The following UBXN4 variants were observed in gnomAD, a reference collection of about 807,000 sequenced individuals.
UBXN4 encodes UBX domain protein 4.
In UBXN4, 35 loss-of-function variants were observed where a neutral mutation model predicts 66.2. That is an observed-to-expected ratio of 0.53 (90% CI 0.40 to 0.70). UBXN4 has a LOEUF of 0.70. UBXN4 is among the 30% of genes least tolerant of loss of function. The pLI is 0.00. For missense variants in UBXN4, 533 were observed against 599.8 expected (o/e 0.89, Z 1.16); for synonymous variants, 203 against 204.5 (o/e 0.99, Z 0.06).
In UBXN4 at chr2:135,753,554, G is replaced by A. The variant is rs771449584; in HGVS notation, c.201G>A (p.Gln67=). ...TGTTTTACAGTGAAGCCTGCCTACAGTTTTCACAAATCTGTATCCTTTCAG... is the reference window on the plus strand; with the variant it reads ...TGTTTTACAGTGAAGCCTGCCTACAATTTTCACAAATCTGTATCCTTTCAG... ...KIDTKSEACL[Q]FSQIYPVVCV... The change falls in exon 3 of 13, where the codon CAG becomes CAA. Residue 67 remains glutamine (Q), a synonymous_variant. Transcript: ENST00000272638. 8 of 1,529,314 alleles carry A rather than the reference G, an allele frequency of 5.2e-6. No individual in the cohort carries two copies. The East Asian group carries it at 1.5e-4, about 29-fold the overall frequency. The allele number at this position is 1,529,314 out of a possible 1,614,324, so 94.7% of individuals were successfully genotyped here.
chr2:135,742,072 T>A (rs1376388632), intron 1 of UBXN4, 61 bp downstream of exon 1: 1 of 1,571,462 alleles, frequency 6.4e-7, no homozygotes. Context: ...CTTCATCCTC[T>A]TGTATACCTC....
At position 135,769,800 on chromosome 2, in the gene UBXN4, GAGAAA is replaced by G. The variant is rs2105504538; in HGVS notation, c.643_647del (p.Lys215GlyfsTer7). On this transcript the variant is annotated frameshift_variant, in exon 7 of 13. Transcript: ENST00000272638. LOFTEE classifies it high-confidence loss of function. ...AAAAAAACTTGAAGAAAGGAGAGAA[GAGAAA>G]AGAAAAGAGGAAGAACAGGTAAAGT... 1 of 1,595,964 alleles carries G rather than the reference GAGAAA, an allele frequency of 6.3e-7. No homozygotes were observed. The highest frequency in any genetic ancestry group is 8.5e-7 in the Non-Finnish European group (1 of 1,173,778).
chr2:135,777,775 C>T lies in UBXN4; in HGVS notation c.1054-1173C>T, dbSNP rs563427539. Among the ~76,000 whole-genome samples, 23 of 151,544 alleles carry T rather than the reference C, an allele frequency of 1.5e-4. 1 individual carries two copies. The highest frequency in any genetic ancestry group is 1.5e-3 in the South Asian group (7 of 4,758). The stretch of plus-strand genomic sequence containing the variant: ...GTGGGCGCCTGTAATCCCAGCTTCT[C>T]GGGAGGCTGAGGCAGGAGAATCGCT... On this transcript the variant is annotated intron_variant, in intron 10 of 12. Transcript: ENST00000272638.
intron 5 of UBXN4, among the ~76,000 whole-genome samples, chr2:135,758,017 T>G (rs889934446): frequency 2.0e-5 from 3 of 151,780 alleles, no homozygotes; most frequent in African/African-American, 7.3e-5. Flanking sequence ...CCACGTGATC[T>G]CCTGCTTCAG....
intron 3 of UBXN4, 44 bp from the exon 4 acceptor site, chr2:135,754,115 C>T: frequency 7.3e-7 from 1 of 1,371,290 alleles, no homozygotes; most frequent in Non-Finnish European, 1.0e-6. Flanking sequence ...GTAAAACTAT[C>T]CTTTCGTTTC....
In UBXN4 at chr2:135,782,879, C is replaced by T; in HGVS notation, c.1519C>T (p.Gln507Ter). 1 of 1,613,434 alleles carries T rather than the reference C, an allele frequency of 6.2e-7. No individual in the cohort carries two copies. The highest frequency in any genetic ancestry group is 8.5e-7 in the Non-Finnish European group (1 of 1,179,680). ...NNTWNGNSTQQM is the reference protein window; with the variant it reads ...NNTWNGNSTQ ...CACTTGGAATGGAAATTCCACTCAA[C>T]AGATGTAGTGTGACAAGTATAATAT... The change falls in exon 13 of 13, where the codon CAG becomes TAG. Residue 507 changes from glutamine (Q) to a stop codon, truncating the protein, a stop_gained. Transcript: ENST00000272638. LOFTEE classifies it high-confidence loss of function.
chr2:135,774,050 A>G (rs2077398287), intron 9 of UBXN4, among the ~76,000 whole-genome samples: 1 of 152,212 alleles, frequency 6.6e-6, no homozygotes, highest in Non-Finnish European at 1.5e-5. Context: ...ATGGAAATGC[A>G]AGAAACACAA....
At chr2:135,745,609 T>C (rs2077202529) in intron 1 of UBXN4, among the ~76,000 whole-genome samples, 2 of 152,186 alleles carry the variant, frequency 1.3e-5, no homozygotes, top group Admixed American at 6.5e-5. Context: ...AAAGAATGAA[T>C]GGAAAGGATT....
chr2:135,752,966 C>T lies in UBXN4; in HGVS notation c.186-573C>T, dbSNP rs145402899. ...AACTACTGACTTTGTGATTCACCCG[C>T]CTTGGCCTCCCAAAGTGCTTGGATT... is the stretch of plus-strand genomic sequence containing the variant. On this transcript the variant is annotated intron_variant, in intron 2 of 12. Transcript: ENST00000272638. Among the ~76,000 whole-genome samples the T allele has an allele frequency of 2.0e-5, 3 of 151,406 alleles. No homozygotes were observed. The East Asian group carries it at 5.8e-4, about 29-fold the overall frequency.
At chr2:135,771,282 G>T (rs1304882140) in intron 8 of UBXN4, among the ~76,000 whole-genome samples, 1 of 152,066 alleles carries the variant, frequency 6.6e-6, no homozygotes, top group Non-Finnish European at 1.5e-5. Context: ...TTCAAGACTT[G>T]CCTGGCCGAC....
chr2:135,743,527 TG>T (rs1320638565), intron 1 of UBXN4, among the ~76,000 whole-genome samples: 1 of 152,220 alleles, frequency 6.6e-6, no homozygotes, highest in Non-Finnish European at 1.5e-5. Flanking sequence ...AGTCATAAAG[TG>T]ACTTGCACTA....
rs2077175679 is a variant in UBXN4, at chr2:135,741,907, A to G, written c.-23A>G. ...GACTGCGGAGACTACACACCGAGCG[A>G]GCGCCTGGGCCCGAAGGGAGCGATG... is the stretch of plus-strand genomic sequence containing the variant. On this transcript the variant is annotated 5_prime_UTR_variant, in exon 1 of 13. Coordinates refer to ENST00000272638, the MANE Select transcript of UBXN4 (RefSeq NM_014607.4). 6.2e-7 allele frequency: 1 copy of G among 1,605,922 alleles called. No homozygotes were observed. The highest frequency in any genetic ancestry group is 1.3e-5 in the African/African-American group (1 of 74,544).
At position 135,772,664 on chromosome 2, in the gene UBXN4, A is replaced by G. The variant is rs1218998223; in HGVS notation, c.950+117A>G. ...TATAAGCAGTCCATTCCAGAGGGAC[A>G]TATTAATTTGACAGCTCCCAATGGT... On this transcript the variant is annotated intron_variant, in intron 9 of 12. Transcript: ENST00000272638. 17 of 1,319,552 alleles carry G rather than the reference A, an allele frequency of 1.3e-5. No individual in the cohort carries two copies. The East Asian group carries it at 4.2e-4, about 32-fold the overall frequency. The allele number at this position is 1,319,552 out of a possible 1,614,324, so 81.7% of individuals were successfully genotyped here. A position where few individuals can be genotyped will look rare whatever the true frequency, so the allele number is the denominator to read the frequency against.
In UBXN4 at chr2:135,769,769, A is replaced by T; in HGVS notation, c.603A>T (p.Arg201Ser). 1.3e-6 allele frequency: 2 copies of T among 1,579,486 alleles called. No individual in the cohort carries two copies. Among genetic ancestry groups the T allele is most frequent in the Non-Finnish European group, 1.7e-6 (2 of 1,168,002 alleles). The change falls in exon 7 of 13, where the codon AGA becomes AGT. Residue 201 changes from arginine (R) to serine (S), a missense_variant and splice_region_variant. This residue lies in a region of UBXN4 where 529 missense variants were observed against 580.1 expected (regional missense o/e 0.91). Transcript: ENST00000272638. ...PAEDLNIRVE[R>S]LTKKLEERRE... ...GGTGGTTTTTTTTTTTTTAATACAG[A>T]CTAACAAAAAAACTTGAAGAAAGGA... is the stretch of plus-strand genomic sequence containing the variant.
At chr2:135,757,286 G>A (rs914372265) in intron 5 of UBXN4, among the ~76,000 whole-genome samples, 7 of 152,048 alleles carry the variant, frequency 4.6e-5, no homozygotes, top group African/African-American at 1.4e-4. Context: ...CCCATCCAGT[G>A]AATTTTTTAT....
Position 135,784,660 on chromosome 2 carries a change from C to T in UBXN4, c.*1773C>T, listed in dbSNP as rs2077472328. ...TAAAGGTTTGTCATCTTTAAAAATA[C>T]AGCAATATGTGACTTTTTAAAAAAG... On this transcript the variant is annotated 3_prime_UTR_variant, in exon 13 of 13. Transcript: ENST00000272638. The T allele has an allele frequency of 6.6e-6, 1 of 152,546 alleles. No individual in the cohort carries two copies. The highest frequency in any genetic ancestry group is 1.5e-5 in the Non-Finnish European group (1 of 68,012). The allele number at this position is 152,546 out of a possible 1,614,324, so 9.4% of individuals were successfully genotyped here. A position where few individuals can be genotyped will look rare whatever the true frequency, so the allele number is the denominator to read the frequency against.
intron 6 of UBXN4, among the ~76,000 whole-genome samples, chr2:135,764,009 A>G (rs1255484208): frequency 6.6e-6 from 1 of 152,128 alleles, no homozygotes; most frequent in African/African-American, 2.4e-5. Flanking sequence ...CTGTAGTCCC[A>G]GCTACTCAGG....
chr2:135,753,571 TC>T lies in UBXN4; in HGVS notation c.214+6del. 6.5e-7 allele frequency: 1 copy of T among 1,534,156 alleles called. No individual in the cohort carries two copies. The highest frequency in any genetic ancestry group is 8.7e-7 in the Non-Finnish European group (1 of 1,151,870). On this transcript the variant is annotated splice_donor_5th_base_variant and intron_variant, in intron 3 of 12. Coordinates refer to ENST00000272638, the MANE Select transcript of UBXN4 (RefSeq NM_014607.4). ...TGCCTACAGTTTTCACAAATCTGTATCCTTTCAGTAAAGAATGGCTTATATA... is the reference window on the plus strand; with the variant it reads ...TGCCTACAGTTTTCACAAATCTGTATCTTTCAGTAAAGAATGGCTTATATA...
chr2:135,753,902 G>T (rs1227552071), intron 3 of UBXN4: 1 of 459,732 alleles, frequency 2.2e-6, no homozygotes, highest in Non-Finnish European at 3.8e-6. Context: ...GAGGCAGCTG[G>T]CAGCAAGATG....
Sources: allele counts gnomAD v4.1 joint callset (sites outside exome capture counted in the v4.1 genomes callset), GRCh38; gene constraint gnomAD v4.1.1; regional missense constraint gnomAD v4.1.1; transcripts MANE v1.5; gene names NCBI Gene and HGNC (gene_info 2026-07-23, HGNC 2026-07-21).